PPP2R1A: variants seen among roughly 807,000 people sequenced by gnomAD.
PPP2R1A encodes serine/threonine-protein phosphatase 2A 65 kDa regulatory subunit A alpha isoform.
PPP2R1A carries 15 observed loss-of-function variants against 67.1 expected under a neutral mutation model. The ratio of observed to expected loss-of-function variants is 0.22; its 90% CI spans 0.15 to 0.34. The LOEUF (loss-of-function observed/expected upper bound fraction) is 0.34. Ranked by LOEUF, PPP2R1A falls within the 10% of genes least tolerant of loss-of-function variation. PPP2R1A has a pLI of 1.00. For synonymous variants in PPP2R1A, 337 were observed against 325.0 expected (o/e 1.04, Z -0.40); for missense variants, 369 against 775.0 (o/e 0.48, Z 6.22).
In PPP2R1A at chr19:52,201,792, G is replaced by A; in HGVS notation, c.79-152G>A. 5 of 621,332 alleles carry A rather than the reference G, an allele frequency of 8.0e-6. No homozygotes were observed. The South Asian group carries it at 9.4e-5, about 12-fold the overall frequency. 38.5% of individuals were successfully genotyped at this position (621,332 alleles called of 1,614,324 possible). A position where few individuals can be genotyped will look rare whatever the true frequency, so the allele number is the denominator to read the frequency against. On this transcript the variant is annotated intron_variant, in intron 1 of 14. Coordinates refer to ENST00000322088, the MANE Select transcript of PPP2R1A (RefSeq NM_014225.6). ...TTAATGATTCCCTCGAGGTCACAGG[G>A]TCTCTTGGTGGGTGTTTGCCAAATT...
chr19:52,202,248 C>T (rs1172810430), intron 2 of PPP2R1A, among the ~76,000 whole-genome samples: 2 of 151,622 alleles, frequency 1.3e-5, no homozygotes, highest in East Asian at 3.9e-4. Context: ...GATCTAGAAG[C>T]AGGTAGAACG....
rs2089671712 is a variant in PPP2R1A at position 52,211,635 on chromosome 19, C to A, written c.503+143C>A. On this transcript the variant is annotated intron_variant, in intron 4 of 14. Transcript: ENST00000322088. The surrounding 1 kb of genome is among the most constrained non-coding windows in gnomAD (Gnocchi z 5.3). Reference sequence around the variant, plus strand: ...CACTCCTGCTTACCACCTGATAGGCCACATCCTCGAGAGTTGGTCTCTGGA... The same window carrying A: ...CACTCCTGCTTACCACCTGATAGGCAACATCCTCGAGAGTTGGTCTCTGGA... 5 of 805,012 alleles carry A rather than the reference C, an allele frequency of 6.2e-6. No individual in the cohort carries two copies. The South Asian group carries it at 7.1e-5, about 11-fold the overall frequency. The allele number at this position is 805,012 out of a possible 1,614,324, so 49.9% of individuals were successfully genotyped here.
In PPP2R1A at chr19:52,226,027, C is replaced by G; in HGVS notation, c.*46C>G. ...CTGGCCTCTGGTGTCCACCCTCCAA[C>G]CCCCACAAGTCCCTCTTTGGGGAGA... On this transcript the variant is annotated 3_prime_UTR_variant, in exon 15 of 15. Coordinates refer to ENST00000322088, the MANE Select transcript of PPP2R1A (RefSeq NM_014225.6). The G allele has an allele frequency of 6.2e-7, 1 of 1,613,934 alleles. No homozygotes were observed. Among genetic ancestry groups the G allele is most frequent in the Non-Finnish European group, 8.5e-7 (1 of 1,179,762 alleles).
chr19:52,194,088 CAAAA>C (rs915576804), intron 1 of PPP2R1A, among the ~76,000 whole-genome samples: 26 of 60,510 alleles, frequency 4.3e-4, no homozygotes, highest in Admixed American at 6.0e-4. Context: ...ACCCTGTCTC[CAAAA>C]AAAAAAAAAA....
Position 52,211,635 on chromosome 19 carries a change from C to T in PPP2R1A, c.503+143C>T. The T allele has an allele frequency of 1.4e-5, 11 of 805,012 alleles. No homozygotes were observed. The highest frequency in any genetic ancestry group is 2.1e-5 in the Non-Finnish European group (11 of 518,942). The allele number at this position is 805,012 out of a possible 1,614,324, so 49.9% of individuals were successfully genotyped here. A position where few individuals can be genotyped will look rare whatever the true frequency, so the allele number is the denominator to read the frequency against. On this transcript the variant is annotated intron_variant, in intron 4 of 14. Transcript: ENST00000322088. This position sits in a 1 kb window ranked among gnomAD's most constrained non-coding sequence, Gnocchi z 5.3. The stretch of plus-strand genomic sequence containing the variant: ...CACTCCTGCTTACCACCTGATAGGC[C>T]ACATCCTCGAGAGTTGGTCTCTGGA...
chr19:52,204,763 T>A (rs2089585599), intron 2 of PPP2R1A, among the ~76,000 whole-genome samples: 1 of 152,168 alleles, frequency 6.6e-6, no homozygotes, highest in Non-Finnish European at 1.5e-5. Context: ...GGCGAGAATT[T>A]ATTTATTGAA....
In PPP2R1A at chr19:52,222,255, A is replaced by C; in HGVS notation, c.1661+14A>C. On this transcript the variant is annotated intron_variant, in intron 13 of 14. Transcript: ENST00000322088. ...CCTGGACAACAGGTGAGGTCTGGAT[A>C]CTCCCCCACACACTGGCAGGGGCTT... The C allele has an allele frequency of 6.2e-7, 1 of 1,607,362 alleles. No homozygotes were observed. The highest frequency in any genetic ancestry group is 8.5e-7 in the Non-Finnish European group (1 of 1,176,286).
rs1196583699 is a variant in PPP2R1A, at chr19:52,216,101, C to T, written c.993+27C>T. ...TAACAGAGAGTTTGATGGGAGGAAC[C>T]AAGTGGATCCGAGCCTGCCAAAAAG... On this transcript the variant is annotated intron_variant, in intron 8 of 14. Coordinates refer to ENST00000322088, the MANE Select transcript of PPP2R1A (RefSeq NM_014225.6). This position sits in a 1 kb window ranked among gnomAD's most constrained non-coding sequence, Gnocchi z 4.3. 1.9e-6 allele frequency: 3 copies of T among 1,595,788 alleles called. No individual in the cohort carries two copies. The highest frequency in any genetic ancestry group is 1.7e-5 in the Admixed American group (1 of 59,980).
intron 3 of PPP2R1A, among the ~76,000 whole-genome samples, chr19:52,208,422 G>A (rs1046110996): frequency 1.3e-5 from 2 of 152,280 alleles, no homozygotes; most frequent in African/African-American, 4.8e-5. Context: ...ACCCACCCCG[G>A]CCTCCCAAAG....
intron 11 of PPP2R1A, 51 bp downstream of exon 11, chr19:52,220,300 A>G (rs375156900): frequency 5.7e-6 from 9 of 1,587,558 alleles, no homozygotes; most frequent in Non-Finnish European, 7.8e-6. Flanking sequence ...CCAGAAAGGC[A>G]GGATGGATTG....
chr19:52,208,230 G>A (rs190714219), intron 3 of PPP2R1A, among the ~76,000 whole-genome samples: 85 of 152,180 alleles, frequency 5.6e-4, no homozygotes, highest in African/African-American at 1.3e-3. Context: ...GTGCAGTGGC[G>A]GGATCTCGGC....
chr19:52,190,269 GCGGAAGGGGGCGA>G, intron 1 of PPP2R1A, 95 bp downstream of exon 1: 1 of 1,376,456 alleles, frequency 7.3e-7, no homozygotes. Flanking sequence ...GCTGGGAGTG[GCGGAAGGGGGCGA>G]CGGCCAATCA....
At chr19:52,190,266 G>C in intron 1 of PPP2R1A, 92 bp downstream of exon 1, 1 of 1,423,144 alleles carries the variant, frequency 7.0e-7, no homozygotes, top group Middle Eastern at 1.8e-4. Flanking sequence ...TTCGCTGGGA[G>C]TGGCGGAAGG....
intron 1 of PPP2R1A, among the ~76,000 whole-genome samples, chr19:52,196,492 T>C (rs1044799179): frequency 6.6e-6 from 1 of 152,192 alleles, no homozygotes; most frequent in Non-Finnish European, 1.5e-5. Flanking sequence ...GAGGCCAGCT[T>C]AGGACACAGA....
rs1979270783 is a variant in PPP2R1A at position 52,226,470 on chromosome 19, A to T, written c.*489A>T. The T allele has an allele frequency of 4.1e-6, 1 of 245,520 alleles. No individual in the cohort carries two copies. The highest frequency in any genetic ancestry group is 7.9e-6 in the Non-Finnish European group (1 of 126,240). 15.2% of individuals were successfully genotyped at this position (245,520 alleles called of 1,614,324 possible). On this transcript the variant is annotated 3_prime_UTR_variant, in exon 15 of 15. Transcript: ENST00000322088. ...CTTGGAGGAGGGGGCACCACCCCAG[A>T]GCCACAACATCTGCGCTTTTCTCTG... is the stretch of plus-strand genomic sequence containing the variant.
chr19:52,196,916 A>G (rs1340975914), intron 1 of PPP2R1A, among the ~76,000 whole-genome samples: 1 of 152,228 alleles, frequency 6.6e-6, no homozygotes, highest in Non-Finnish European at 1.5e-5. Flanking sequence ...AAGTTGCACA[A>G]AACATTTCCA....
At chr19:52,191,901 G>A (rs1293991717) in intron 1 of PPP2R1A, among the ~76,000 whole-genome samples, 1 of 152,116 alleles carries the variant, frequency 6.6e-6, no homozygotes, top group African/African-American at 2.4e-5. Context: ...ATTGAATTGG[G>A]CCTCTATTCT....
chr19:52,225,674 T>C, intron 13 of PPP2R1A, 43 bp from the exon 14 acceptor site: 1 of 1,586,318 alleles, frequency 6.3e-7, no homozygotes, highest in Non-Finnish European at 8.7e-7. Flanking sequence ...CCCCAGTCCA[T>C]CCTGGCTCAC....
rs767632211 is a variant in PPP2R1A at position 52,225,726 on chromosome 19, G to A, written c.1671G>A (p.Gln557=). 3 of 1,614,030 alleles carry A rather than the reference G, an allele frequency of 1.9e-6. No individual in the cohort carries two copies. Among genetic ancestry groups the A allele is most frequent in the African/African-American group, 2.7e-5 (2 of 74,922 alleles). Residue 557 remains glutamine, a synonymous_variant, in exon 14 of 15, where the codon CAG becomes CAA. Coordinates refer to ENST00000322088, the MANE Select transcript of PPP2R1A (RefSeq NM_014225.6). ...IGPILDNSTL[Q]SEVKPILEKL... ...TCCTTTCGCTTTCCAGCACCTTGCA[G>A]AGTGAAGTCAAGCCCATCCTAGAGA...
Sources: gnomAD v4.1 joint callset for allele counts (sites outside exome capture counted in the v4.1 genomes callset) on GRCh38, gnomAD v4.1.1 for gene constraint, Gnocchi (gnomAD v3.1) non-coding constraint, MANE v1.5 for transcripts, NCBI Gene and HGNC (gene_info 2026-07-23, HGNC 2026-07-21) for gene names.